PARP4: variants seen among roughly 807,000 people sequenced by gnomAD.
The protein encoded by PARP4 is poly(ADP-ribose) polymerase family member 4.
In PARP4, 120 loss-of-function variants were observed where a neutral mutation model predicts 187.7. The observed-to-expected ratio is 0.64, with a 90% CI of 0.55 to 0.74. PARP4 has a LOEUF of 0.74. PARP4 is among the 30% of genes least tolerant of loss of function. The probability of loss-of-function intolerance (pLI) is 0.00; values close to 1 mark genes in which losing one functional copy is unlikely to be tolerated. For synonymous variants in PARP4, 654 were observed against 740.9 expected, an observed-to-expected ratio of 0.88 and a Z score of 1.90; for missense variants, 1,836 against 2,070.5, an observed-to-expected ratio of 0.89 and a Z score of 2.20.
intron 32 of PARP4, among the ~76,000 whole-genome samples, chr13:24,427,143 GT>G (rs1278231871): frequency 6.6e-6 from 1 of 151,976 alleles, no homozygotes; most frequent in Non-Finnish European, 1.5e-5. Context: ...AAGAAATCCA[GT>G]TTTTAGGCTC....
intron 11 of PARP4, among the ~76,000 whole-genome samples, chr13:24,485,280 G>A (rs1593638464): frequency 6.6e-6 from 1 of 151,898 alleles, no homozygotes; most frequent in African/African-American, 2.4e-5. Context: ...TAATATTAAT[G>A]TCACCCTCAT....
chr13:24,480,127 G>C (rs2137514906), intron 12 of PARP4, among the ~76,000 whole-genome samples: 1 of 152,316 alleles, frequency 6.6e-6, no homozygotes, highest in Admixed American at 6.5e-5. Flanking sequence ...CTCACCGCGA[G>C]GGTCCGCGGC....
chr13:24,475,384 TC>T (rs1243223036), intron 15 of PARP4, 87 bp downstream of exon 15: 7 of 1,209,936 alleles, frequency 5.8e-6, no homozygotes, highest in Non-Finnish European at 8.4e-6. Context: ...ATCTATCTAT[TC>T]CCTTCAGTTC....
At chr13:24,456,309 T>C (rs9581057) in intron 21 of PARP4, 32 bp downstream of exon 21, 173,241 of 1,524,880 alleles carry the variant, frequency 0.11, 10,732 homozygotes, top group African/African-American at 0.19. Context: ...TTTTCAATAG[T>C]GTCTCCTATG....
At chr13:24,449,099 G>C (rs1384037756) in intron 25 of PARP4, among the ~76,000 whole-genome samples, 3 of 152,118 alleles carry the variant, frequency 2.0e-5, no homozygotes, top group Non-Finnish European at 4.4e-5. Context: ...CCTAAAAATG[G>C]TTAAAATGGC....
At chr13:24,489,656 T>A (rs1868523766) in intron 10 of PARP4, among the ~76,000 whole-genome samples, 1 of 152,020 alleles carries the variant, frequency 6.6e-6, no homozygotes, top group Admixed American at 6.6e-5. Context: ...CATAGCCATC[T>A]TAGTAAATGT....
intron 32 of PARP4, among the ~76,000 whole-genome samples, chr13:24,430,191 C>T (rs1278907187): frequency 2.6e-5 from 4 of 152,148 alleles, no homozygotes; most frequent in Non-Finnish European, 4.4e-5. Flanking sequence ...TGTCATCACC[C>T]CTTTTTGGCC....
At chr13:24,503,602 C>T (rs766801941) in intron 2 of PARP4, 43 bp downstream of exon 2, 25 of 1,605,204 alleles carry the variant, frequency 1.6e-5, no homozygotes, top group Admixed American at 6.7e-5. Flanking sequence ...TCCCTGAATG[C>T]GCAATGTTTT....
chr13:24,477,938 T>C, intron 13 of PARP4, 81 bp from the exon 14 acceptor site: 1 of 1,164,426 alleles, frequency 8.6e-7, no homozygotes, highest in Non-Finnish European at 1.2e-6. Flanking sequence ...CATAAAAGCA[T>C]GTTTGCTAAT....
At position 24,470,070 on chromosome 13, in the gene PARP4, C is replaced by G. The variant is rs753417822; in HGVS notation, c.1915-45G>C. The G allele has an allele frequency of 9.7e-6, 15 of 1,552,904 alleles. No homozygotes were observed. In the South Asian group the frequency reaches 1.5e-4, roughly 16 times the overall value. On this transcript the variant is annotated intron_variant, in intron 15 of 33. Transcript: ENST00000381989. ...CATACAATTGATGAGACCACATGGACTACATTTGCAGGAACAAGGACGAAC... is the reference window on the plus strand; with the variant it reads ...CATACAATTGATGAGACCACATGGAGTACATTTGCAGGAACAAGGACGAAC...
rs770278356 is a variant in PARP4 at position 24,435,334 on chromosome 13, T to C, written c.3807A>G (p.Leu1269=). 8.7e-6 allele frequency: 14 copies of C among 1,612,494 alleles called. No individual in the cohort carries two copies. The highest frequency in any genetic ancestry group is 3.3e-5 in the Admixed American group (2 of 59,992). Residue 1269 remains leucine (L), a synonymous_variant, in exon 31 of 34, where the codon CTA becomes CTG. Coordinates refer to ENST00000381989, the MANE Select transcript of PARP4 (RefSeq NM_006437.4). ...EDFEEDGLGV[L]PAFTSNLERG... is the part of the protein sequence containing the mutation. The stretch of plus-strand genomic sequence containing the variant: ...GTTCCAAATTTGATGTGAAAGCTGG[T>C]AGTACACCTAAGCCATCCTCTTCAA...
chr13:24,497,415 G>A (rs1869016978), intron 6 of PARP4, among the ~76,000 whole-genome samples: 1 of 152,134 alleles, frequency 6.6e-6, no homozygotes, highest in Admixed American at 6.5e-5. Flanking sequence ...CACAGCAGGT[G>A]CTTAATGAAG....
intron 24 of PARP4, among the ~76,000 whole-genome samples, chr13:24,450,304 TA>T (rs201497803): frequency 0.058 from 7,966 of 137,194 alleles, 571 homozygotes; most frequent in African/African-American, 0.18. Context: ...CTCTGACATT[TA>T]AATGACAAGT....
chr13:24,477,948 T>G, intron 13 of PARP4, 91 bp from the exon 14 acceptor site: 1 of 1,148,624 alleles, frequency 8.7e-7, no homozygotes, highest in Non-Finnish European at 1.2e-6. Context: ...TGTTTGCTAA[T>G]TTAGAAAATG....
intron 17 of PARP4, among the ~76,000 whole-genome samples, chr13:24,460,765 T>C (rs142540744): frequency 1.1e-3 from 163 of 152,318 alleles, no homozygotes; most frequent in African/African-American, 3.8e-3. Context: ...CACAGCTTAA[T>C]GTAGCCTTGA....
In PARP4 at chr13:24,490,714, C is replaced by T; in HGVS notation, c.1168G>A (p.Glu390Lys). Residue 390 changes from glutamate (E) to lysine (K), a missense_variant, in exon 10 of 34, where the codon GAA (glutamate) becomes AAA (lysine). Physicochemically the swap from Glu to Lys is moderately conservative, Grantham distance 56. This residue lies in a region of PARP4 where 1,147 missense variants were observed against 1,214.2 expected (regional missense o/e 0.94). Transcript: ENST00000381989. ...TCTTTTCTAACCCTGAGAAATTCTTCAGTATTCTGTTCAACATGCTCAATT... is the reference window on the plus strand; with the variant it reads ...TCTTTTCTAACCCTGAGAAATTCTTTAGTATTCTGTTCAACATGCTCAATT... Reference protein sequence around the residue: ...CKIEHVEQNTEEFLRVRKEVL... With the variant: ...CKIEHVEQNTKEFLRVRKEVL... The T allele has an allele frequency of 6.2e-7, 1 of 1,614,018 alleles. No homozygotes were observed. Among genetic ancestry groups the T allele is most frequent in the Non-Finnish European group, 8.5e-7 (1 of 1,179,888 alleles).
At chr13:24,447,449 C>G (rs748784987) in intron 25 of PARP4, among the ~76,000 whole-genome samples, 52 of 152,232 alleles carry the variant, frequency 3.4e-4, no homozygotes, top group Non-Finnish European at 6.0e-4. Flanking sequence ...CAACCTCCCC[C>G]TCCCAGGTTC....
chr13:24,510,138 T>C (rs1869919559), intron 1 of PARP4, among the ~76,000 whole-genome samples: 1 of 152,234 alleles, frequency 6.6e-6, no homozygotes, highest in African/African-American at 2.4e-5. Flanking sequence ...TCACAGCTTA[T>C]TTAGCTTTTA....
intron 6 of PARP4, among the ~76,000 whole-genome samples, chr13:24,497,801 T>A (rs141448380): frequency 6.6e-4 from 100 of 152,184 alleles, no homozygotes; most frequent in African/African-American, 2.0e-3. Context: ...TCCTCATGTG[T>A]AGAGATGAGG....
Sources: gnomAD v4.1 joint callset for allele counts (sites outside exome capture counted in the v4.1 genomes callset) on GRCh38, gnomAD v4.1.1 for gene constraint, gnomAD v4.1.1 regional missense constraint, MANE v1.5 for transcripts, NCBI Gene and HGNC (gene_info 2026-07-23, HGNC 2026-07-21) for gene names.